Variants in SPAG9 observed in about 807,000 individuals in gnomAD.
SPAG9 encodes sperm associated antigen 9, also known as C-Jun-amino-terminal kinase-interacting protein 4.
In SPAG9, 35 loss-of-function variants were observed where a neutral mutation model predicts 166.5. The ratio of observed to expected loss-of-function variants is 0.21; its 90% CI spans 0.16 to 0.28. The LOEUF is 0.28. SPAG9 is among the 10% of genes least tolerant of loss of function. The pLI is 1.00. For synonymous variants in SPAG9, 534 were observed against 565.5 expected, an observed-to-expected ratio of 0.94 and a Z score of 0.79; for missense variants, 1,235 against 1,603.3, an observed-to-expected ratio of 0.77 and a Z score of 3.92.
chr17:51,050,737 T>C (rs1257492593), intron 3 of SPAG9, among the ~76,000 whole-genome samples: 3 of 146,198 alleles, frequency 2.1e-5, no homozygotes, highest in Non-Finnish European at 3.0e-5. Context: ...AAAAAAAAAG[T>C]GAGTGGGAGG....
intron 12 of SPAG9, among the ~76,000 whole-genome samples, chr17:51,002,684 G>A (rs560609947): frequency 6.6e-6 from 1 of 151,898 alleles, no homozygotes; most frequent in African/African-American, 2.4e-5. Flanking sequence ...CTTCAGCTGG[G>A]AGGTCAAGGC....
At position 50,993,562 on chromosome 17, in the gene SPAG9, G is replaced by C. The variant is rs1466685801; in HGVS notation, c.2398+202C>G. 2.0e-5 allele frequency among the ~76,000 whole-genome samples: 3 copies of C among 152,024 alleles called. No homozygotes were observed. In the South Asian group the frequency reaches 6.2e-4, roughly 32 times the overall value. ...CCAGTTATTTTCTCATATTCCCATTGTTTTATTTTCTTCACAGTATTTTTC... is the reference window on the plus strand; with the variant it reads ...CCAGTTATTTTCTCATATTCCCATTCTTTTATTTTCTTCACAGTATTTTTC... On this transcript the variant is annotated intron_variant, in intron 19 of 29. Transcript: ENST00000262013.
At chr17:51,089,661 T>TATATATATATATAC (rs1426675943) in intron 1 of SPAG9, among the ~76,000 whole-genome samples, 32 of 97,844 alleles carry the variant, frequency 3.3e-4, no homozygotes, top group African/African-American at 6.5e-4. Context: ...TATATATATA[T>TATATATATATATAC]ATACACATAC....
intron 28 of SPAG9, 129 bp downstream of exon 28, chr17:50,974,642 A>G: frequency 1.4e-6 from 1 of 729,340 alleles, no homozygotes; most frequent in Non-Finnish European, 2.1e-6. Context: ...CCATTACAGA[A>G]CTTCCTTCGT....
chr17:51,009,411 T>C (rs1310510000), intron 9 of SPAG9, among the ~76,000 whole-genome samples: 1 of 152,202 alleles, frequency 6.6e-6, no homozygotes, highest in African/African-American at 2.4e-5. Context: ...CAGATAATTC[T>C]GTAAACTGGA....
At chr17:51,040,336 G>A (rs1159470910) in intron 5 of SPAG9, 1 of 151,772 alleles carries the variant, frequency 6.6e-6, no homozygotes, top group Non-Finnish European at 1.5e-5. Flanking sequence ...CTAACAAATT[G>A]GGGCAAGAAG....
chr17:51,089,324 T>TGA (rs1335562141), intron 1 of SPAG9, among the ~76,000 whole-genome samples: 1 of 151,718 alleles, frequency 6.6e-6, no homozygotes, highest in Non-Finnish European at 1.5e-5. Context: ...CTTGGAAGGC[T>TGA]GAGGCAGGAG....
At position 50,993,877 on chromosome 17, in the gene SPAG9, G is replaced by A. The variant is rs776572595; in HGVS notation, c.2285C>T (p.Thr762Ile). 14 of 1,613,994 alleles carry A rather than the reference G, an allele frequency of 8.7e-6. No homozygotes were observed. The highest frequency in any genetic ancestry group is 1.3e-5 in the African/African-American group (1 of 74,912). Reference protein sequence around the residue: ...EELSSLVWICTSTHSATKVLI... With the variant: ...EELSSLVWICISTHSATKVLI... ...AACTTTTGTAGCCGAATGAGTGCTG[G>A]TACAGATCCAAACTAGACTGGATAA... The change falls in exon 19 of 30, where the codon ACC becomes ATC. Residue 762 changes from threonine (T) to isoleucine (I), a missense_variant. Around this residue, in one of 6 missense-constraint regions of SPAG9, gnomAD observed 493 missense variants for 559.4 expected, o/e 0.88. Transcript: ENST00000262013.
chr17:50,985,906 C>A, intron 22 of SPAG9, 128 bp from the exon 23 acceptor site: 1 of 558,094 alleles, frequency 1.8e-6, no homozygotes, highest in Non-Finnish European at 3.1e-6. Context: ...AAAGGTGCTG[C>A]TGCTTTTGTG....
intron 29 of SPAG9, among the ~76,000 whole-genome samples, chr17:50,970,143 T>C (rs1005518929): frequency 6.6e-6 from 1 of 152,224 alleles, no homozygotes; most frequent in Non-Finnish European, 1.5e-5. Context: ...CTAAATCCTA[T>C]GCTTTTCACA....
chr17:51,106,160 G>A (rs2048944824), intron 1 of SPAG9, among the ~76,000 whole-genome samples: 1 of 129,708 alleles, frequency 7.7e-6, no homozygotes, highest in African/African-American at 2.8e-5. Flanking sequence ...CACACTAGCT[G>A]GGCATGATGG....
At chr17:51,074,451 G>A (rs1023036104) in intron 2 of SPAG9, among the ~76,000 whole-genome samples, 7 of 152,110 alleles carry the variant, frequency 4.6e-5, no homozygotes, top group Non-Finnish European at 7.4e-5. Context: ...AAAAGATTTC[G>A]TGTTATCAAC....
At position 51,120,185 on chromosome 17, in the gene SPAG9, C is replaced by G. The variant is rs2049434507; in HGVS notation, c.303+169G>C. 1.3e-5 allele frequency among the ~76,000 whole-genome samples: 2 copies of G among 152,336 alleles called. No homozygotes were observed. The highest frequency in any genetic ancestry group is 4.8e-5 in the African/African-American group (2 of 41,582). On this transcript the variant is annotated intron_variant, in intron 1 of 29. Transcript: ENST00000262013. The surrounding 1 kb of genome is among the most constrained non-coding windows in gnomAD (Gnocchi z 4.7). The stretch of plus-strand genomic sequence containing the variant: ...GCCGGCCTCGGCTTCCAACGCCGGC[C>G]TGGCTCCCGGGGTACCTGGAGGCCG...
intron 5 of SPAG9, among the ~76,000 whole-genome samples, chr17:51,034,999 C>T (rs1016758601): frequency 6.6e-6 from 1 of 152,282 alleles, no homozygotes; most frequent in South Asian, 2.1e-4. Flanking sequence ...GGAACACTGG[C>T]GAGACATAAT....
intron 5 of SPAG9, among the ~76,000 whole-genome samples, chr17:51,035,184 G>T (rs180931339): frequency 1.7e-3 from 264 of 152,246 alleles, no homozygotes; most frequent in African/African-American, 6.2e-3. Flanking sequence ...GGGATCCTGG[G>T]CTGGATTCTG....
intron 7 of SPAG9, among the ~76,000 whole-genome samples, chr17:51,020,830 T>C (rs1244491411): frequency 6.6e-6 from 1 of 152,232 alleles, no homozygotes; most frequent in African/African-American, 2.4e-5. Context: ...ATACAACTTA[T>C]CAATATCCTC....
chr17:51,052,209 G>T (rs2047201830), intron 3 of SPAG9, among the ~76,000 whole-genome samples: 1 of 152,160 alleles, frequency 6.6e-6, no homozygotes, highest in African/African-American at 2.4e-5. Flanking sequence ...ATAGTGAAAA[G>T]GTTAAGGTTA....
At chr17:50,972,111 G>A (rs920990692) in intron 28 of SPAG9, among the ~76,000 whole-genome samples, 11 of 152,144 alleles carry the variant, frequency 7.2e-5, no homozygotes, top group African/African-American at 2.2e-4. Context: ...GCCCAGGCTG[G>A]TCTCAAACTC....
rs1353621085 is a variant in SPAG9 at position 51,071,488 on chromosome 17, T to A, written c.424+8096A>T. ...AGATAAGGAATAATATACAGCATTT[T>A]AAAAAATCCTTTATTCATGTTGGAA... On this transcript the variant is annotated intron_variant, in intron 2 of 29. Coordinates refer to ENST00000262013, the MANE Select transcript of SPAG9 (RefSeq NM_001130528.3). 5.3e-5 allele frequency among the ~76,000 whole-genome samples: 8 copies of A among 152,314 alleles called. No individual in the cohort carries two copies. In the East Asian group the frequency reaches 9.6e-4, roughly 18 times the overall value.
Sources: gnomAD v4.1 joint callset for allele counts (sites outside exome capture counted in the v4.1 genomes callset) on GRCh38, gnomAD v4.1.1 for gene constraint, gnomAD v4.1.1 regional missense constraint, Gnocchi (gnomAD v3.1) non-coding constraint, MANE v1.5 for transcripts, NCBI Gene and HGNC (gene_info 2026-07-23, HGNC 2026-07-21) for gene names.